The following KRABD4 variants were observed in gnomAD, a reference collection of about 807,000 sequenced individuals.
The protein encoded by KRABD4 is KRAB domain containing 4.
the KRABD4 span, chrX:46,454,136 A>G: frequency 6.2e-6 from 1 of 160,606 alleles, no homozygotes; most frequent in Non-Finnish European, 1.3e-5. Context: ...CTTCCTCCTC[A>G]TCACAAAAAT....
the KRABD4 span, among the ~76,000 whole-genome samples, chrX:46,468,756 AGTCT>A: frequency 8.9e-6 from 1 of 111,934 alleles, no homozygotes; most frequent in African/African-American, 3.2e-5. Flanking sequence ...TCAAATATTC[AGTCT>A]ATTCTAGACT....
At chrX:46,471,643 C>T in the KRABD4 span, among the ~76,000 whole-genome samples, 1 of 111,744 alleles carries the variant, frequency 8.9e-6, no homozygotes, top group Non-Finnish European at 1.9e-5. Flanking sequence ...ATCCCTTTTT[C>T]ACTCTCTCCT....
the KRABD4 span, chrX:46,454,865 A>AT: frequency 1.7e-5 from 2 of 116,832 alleles, no homozygotes; most frequent in Admixed American, 9.4e-5. Flanking sequence ...TTTTATTTTT[A>AT]TTTTTTTTAG....
At chrX:46,455,456 C>A in the KRABD4 span, 1 of 430,957 alleles carries the variant, frequency 2.3e-6, no homozygotes. Flanking sequence ...TCACACACTA[C>A]CTCAGGCTTG....
chrX:46,467,291 G>C, the KRABD4 span, among the ~76,000 whole-genome samples: 1 of 111,737 alleles, frequency 8.9e-6, no homozygotes, highest in Non-Finnish European at 1.9e-5. Flanking sequence ...GGTGCCTCAC[G>C]CCTGTAATCC....
At chrX:46,461,818 G>C in the KRABD4 span, among the ~76,000 whole-genome samples, 7 of 111,379 alleles carry the variant, frequency 6.3e-5, no homozygotes, top group South Asian at 7.6e-4. Context: ...TGTCCCCTGT[G>C]AAGGCTGCTC....
chrX:46,454,753 C>T, the KRABD4 span, among the ~76,000 whole-genome samples: 200 of 111,680 alleles, frequency 1.8e-3, no homozygotes, highest in East Asian at 3.7e-3. Context: ...GAGCTGAGAT[C>T]GCGCCACTGC....
At chrX:46,460,775 C>G in the KRABD4 span, among the ~76,000 whole-genome samples, 1 of 108,740 alleles carries the variant, frequency 9.2e-6, no homozygotes, top group African/African-American at 3.5e-5. Context: ...GAGCCAGCCA[C>G]CACACCCAGC....
the KRABD4 span, among the ~76,000 whole-genome samples, chrX:46,469,655 T>G: frequency 8.9e-6 from 1 of 111,955 alleles, no homozygotes; most frequent in African/African-American, 3.2e-5. Flanking sequence ...AAGGACAGTT[T>G]ATTTCTTTTC....
chrX:46,471,774 A>G, the KRABD4 span, among the ~76,000 whole-genome samples: 1 of 112,283 alleles, frequency 8.9e-6, no homozygotes, highest in Admixed American at 9.4e-5. Context: ...ATATGCGTTT[A>G]AGTTTCCTCC....
chrX:46,462,980 C>T, the KRABD4 span: 59 of 1,122,888 alleles, frequency 5.3e-5, no homozygotes, highest in Admixed American at 6.2e-4. Context: ...GGGTTACCAC[C>T]CTCAGTGAGT....
At chrX:46,457,623 GTTTTTTT>G in the KRABD4 span, among the ~76,000 whole-genome samples, 3 of 75,302 alleles carry the variant, frequency 4.0e-5, no homozygotes, top group Non-Finnish European at 7.8e-5. Flanking sequence ...GCCTTTCAGA[GTTTTTTT>G]TTTTTTTTTT....
At chrX:46,457,845 C>T in the KRABD4 span, among the ~76,000 whole-genome samples, 2 of 109,965 alleles carry the variant, frequency 1.8e-5, no homozygotes, top group South Asian at 3.9e-4. Context: ...CGGGTTCAAG[C>T]GATTCTCCCG....
chrX:46,462,032 T>G, the KRABD4 span, among the ~76,000 whole-genome samples: 3 of 111,881 alleles, frequency 2.7e-5, no homozygotes, highest in East Asian at 8.4e-4. Context: ...CAATCTTTAC[T>G]TCACAGGACT....
chrX:46,463,320 C>T, the KRABD4 span: 324 of 1,200,380 alleles, frequency 2.7e-4, no homozygotes, highest in East Asian at 2.0e-3. Flanking sequence ...TGAGTCAGGC[C>T]GGGGAAAGGA....
At chrX:46,472,618 G>T in the KRABD4 span, 1 of 677,828 alleles carries the variant, frequency 1.5e-6, no homozygotes, top group African/African-American at 2.2e-5. Flanking sequence ...GGGACATGGG[G>T]AGGGTCCATC....
chrX:46,456,097 A>C, the KRABD4 span: 1 of 320,818 alleles, frequency 3.1e-6, no homozygotes, highest in East Asian at 8.5e-5. Flanking sequence ...CGACACAGAT[A>C]TAGCTGGTTG....
At chrX:46,471,318 C>A in the KRABD4 span, 1 of 735,947 alleles carries the variant, frequency 1.4e-6, no homozygotes, top group Non-Finnish European at 1.9e-6. Context: ...ATTTCTCCAG[C>A]TTTCTTTTGG....
chrX:46,456,087 C>T, the KRABD4 span: 10 of 341,538 alleles, frequency 2.9e-5, no homozygotes, highest in East Asian at 8.1e-5. Context: ...TTAAAAGGCA[C>T]GACACAGATA....
Sources: allele counts gnomAD v4.1 joint callset (sites outside exome capture counted in the v4.1 genomes callset), GRCh38; gene constraint gnomAD v4.1.1; transcripts MANE v1.5; gene names NCBI Gene and HGNC (gene_info 2026-07-23, HGNC 2026-07-21).